PDZD8: variants seen among roughly 807,000 people sequenced by gnomAD.
The protein encoded by PDZD8 is PDZ domain-containing protein 8.
A neutral mutation model predicts 85.8 loss-of-function variants in PDZD8; 14 were observed. The observed-to-expected ratio is 0.16, with a 90% CI of 0.11 to 0.26. The LOEUF is 0.26. Among genes scored for constraint, PDZD8 ranks in the 10% least tolerant of loss-of-function variants. The pLI, the probability that PDZD8 is intolerant of heterozygous loss-of-function variation, is 1.00. For missense variants in PDZD8, 1,197 were observed against 1,424.3 expected, an observed-to-expected ratio of 0.84 and a Z score of 2.57; for synonymous variants, 592 against 568.6, an observed-to-expected ratio of 1.04 and a Z score of -0.59.
At chr10:117,335,156 A>T (rs1844495246) in intron 2 of PDZD8, among the ~76,000 whole-genome samples, 1 of 152,226 alleles carries the variant, frequency 6.6e-6, no homozygotes, top group African/African-American at 2.4e-5. Context: ...AACATGTTAC[A>T]TATGGGGGAA....
intron 1 of PDZD8, among the ~76,000 whole-genome samples, chr10:117,349,735 C>T (rs113640629): frequency 6.6e-6 from 1 of 151,896 alleles, no homozygotes; most frequent in Non-Finnish European, 1.5e-5. Context: ...CCTGGGAGAT[C>T]GAGGCTGCAG....
intron 1 of PDZD8, among the ~76,000 whole-genome samples, chr10:117,356,486 T>TA (rs1456195353): frequency 2.6e-5 from 4 of 152,174 alleles, no homozygotes; most frequent in Non-Finnish European, 5.9e-5. Flanking sequence ...AGAAATAGTC[T>TA]AATTAGACCT....
chr10:117,346,877 T>C (rs1844718125), intron 1 of PDZD8, among the ~76,000 whole-genome samples: 1 of 151,958 alleles, frequency 6.6e-6, no homozygotes, highest in South Asian at 2.1e-4. Context: ...GCTATGTAAG[T>C]AGCACACCTG....
Position 117,279,235 on chromosome 10 carries a change from A to C in PDZD8, c.*4033T>G, listed in dbSNP as rs41284386. The C allele has an allele frequency of 6.6e-6, 1 of 152,320 alleles. No individual in the cohort carries two copies. The highest frequency in any genetic ancestry group is 1.5e-5 in the Non-Finnish European group (1 of 68,014). The allele number at this position is 152,320 out of a possible 1,614,324, so 9.4% of individuals were successfully genotyped here. ...CAAGACTGGAAAGAGGTGTTTTTTT[A>C]AAATGTACATACCAGAACAAAGAAC... On this transcript the variant is annotated 3_prime_UTR_variant, in exon 5 of 5. Transcript: ENST00000334464.
chr10:117,290,275 G>C lies in PDZD8; in HGVS notation c.1172C>G (p.Ala391Gly), dbSNP rs1465923451. 2 of 1,613,916 alleles carry C rather than the reference G, an allele frequency of 1.2e-6. No homozygotes were observed. Among genetic ancestry groups the C allele is most frequent in the South Asian group, 2.2e-5 (2 of 91,072 alleles). ...LRLVQSTDGY[A>G]GHVIIETVAP... ...CACAGTTTCAATGATGACGTGCCCA[G>C]CATACCCATCAGTTGACTGGACAAG... The change falls in exon 4 of 5, where the codon GCT becomes GGT. Residue 391 changes from alanine (A) to glycine (G), a missense_variant. Around this residue, in one of 4 missense-constraint regions of PDZD8, gnomAD observed 344 missense variants for 453.6 expected, o/e 0.76. Coordinates refer to ENST00000334464, the MANE Select transcript of PDZD8 (RefSeq NM_173791.5).
chr10:117,366,418 C>G lies in PDZD8; in HGVS notation c.872+7938G>C, dbSNP rs1191387291. 3.3e-5 allele frequency among the ~76,000 whole-genome samples: 5 copies of G among 152,138 alleles called. No homozygotes were observed. In the East Asian group the frequency reaches 9.7e-4, roughly 29 times the overall value. On this transcript the variant is annotated intron_variant, in intron 1 of 4. Coordinates refer to ENST00000334464, the MANE Select transcript of PDZD8 (RefSeq NM_173791.5). ...GTACTTTCAATGTACACATATATAG[C>G]TTCTTTTTTGGTAAACATTGTAACT...
chr10:117,373,742 T>G (rs926469118), intron 1 of PDZD8, among the ~76,000 whole-genome samples: 79 of 151,730 alleles, frequency 5.2e-4, no homozygotes, highest in African/African-American at 1.8e-3. Context: ...ATCGCGCCAC[T>G]GTACTCCAGC....
chr10:117,288,990 C>T (rs1398566985), intron 4 of PDZD8, among the ~76,000 whole-genome samples: 5 of 152,098 alleles, frequency 3.3e-5, no homozygotes, highest in South Asian at 2.1e-4. Context: ...GTAGCTAAAA[C>T]CAAAATATTA....
intron 2 of PDZD8, among the ~76,000 whole-genome samples, chr10:117,331,365 T>A (rs566721665): frequency 6.6e-6 from 1 of 152,316 alleles, no homozygotes; most frequent in South Asian, 2.1e-4. Flanking sequence ...ACCCCTAATT[T>A]ACACATTAGA....
Position 117,283,718 on chromosome 10 carries a change from C to A in PDZD8, c.3015G>T (p.Glu1005Asp), listed in dbSNP as rs763904248. 4.3e-6 allele frequency: 7 copies of A among 1,614,064 alleles called. No homozygotes were observed. The African/African-American group carries it at 6.7e-5, about 15-fold the overall frequency. ...NSTGIKLVRKEGGLDDSVFIA... is the reference protein window; with the variant it reads ...NSTGIKLVRKDGGLDDSVFIA... ...TGAAAACACTGTCATCCAGACCACC[C>A]TCTTTTCTCACTAACTTTATTCCTG... Residue 1005 changes from glutamate (E) to aspartate (D), a missense_variant, in exon 5 of 5, where the codon GAG (glutamate) becomes GAT (aspartate). By Grantham distance (45) the Glu-to-Asp change is conservative (BLOSUM62 2). Transcript: ENST00000334464.
intron 3 of PDZD8, among the ~76,000 whole-genome samples, chr10:117,309,505 C>T (rs1209206330): frequency 6.6e-6 from 1 of 152,066 alleles, no homozygotes; most frequent in African/African-American, 2.4e-5. Flanking sequence ...ATGAGATCCT[C>T]TTTCTCCTTT....
At chr10:117,293,301 T>C (rs771014904) in intron 3 of PDZD8, among the ~76,000 whole-genome samples, 2 of 152,044 alleles carry the variant, frequency 1.3e-5, no homozygotes, top group Non-Finnish European at 2.9e-5. Flanking sequence ...TTTATGACTA[T>C]TGGATATGCC....
chr10:117,343,929 A>G (rs1844660108), intron 1 of PDZD8, among the ~76,000 whole-genome samples: 1 of 152,208 alleles, frequency 6.6e-6, no homozygotes, highest in African/African-American at 2.4e-5. Context: ...CAAACCCATA[A>G]AGAATCCAAA....
intron 1 of PDZD8, among the ~76,000 whole-genome samples, chr10:117,349,169 C>A (rs1320975280): frequency 6.6e-6 from 1 of 152,132 alleles, no homozygotes; most frequent in African/African-American, 2.4e-5. Flanking sequence ...ATGTCCTAAA[C>A]CCAGATGACT....
chr10:117,368,822 T>C (rs1845134374), intron 1 of PDZD8, among the ~76,000 whole-genome samples: 1 of 151,598 alleles, frequency 6.6e-6, no homozygotes, highest in Admixed American at 6.6e-5. Flanking sequence ...GCAGAGTGAC[T>C]TTTTAAAATT....
chr10:117,308,635 C>T (rs1564694671), intron 3 of PDZD8, among the ~76,000 whole-genome samples: 1 of 152,014 alleles, frequency 6.6e-6, no homozygotes, highest in Non-Finnish European at 1.5e-5. Flanking sequence ...AGATCTGAAC[C>T]CAGGCCTATA....
At chr10:117,330,726 C>A (rs181342322) in intron 2 of PDZD8, among the ~76,000 whole-genome samples, 1 of 152,174 alleles carries the variant, frequency 6.6e-6, no homozygotes, top group Non-Finnish European at 1.5e-5. Flanking sequence ...TCTATATATA[C>A]AATTTACTCC....
chr10:117,292,234 A>T (rs1844779834), intron 3 of PDZD8, among the ~76,000 whole-genome samples: 1 of 152,190 alleles, frequency 6.6e-6, no homozygotes, highest in African/African-American at 2.4e-5. Flanking sequence ...TCAAATTCTG[A>T]ATTACCTAAA....
intron 3 of PDZD8, among the ~76,000 whole-genome samples, chr10:117,312,639 C>T (rs1018870584): frequency 6.6e-6 from 1 of 152,174 alleles, no homozygotes; most frequent in African/African-American, 2.4e-5. Context: ...TGAGATTTAT[C>T]TTCATTGCTC....
Sources: allele counts gnomAD v4.1 joint callset (sites outside exome capture counted in the v4.1 genomes callset), GRCh38; gene constraint gnomAD v4.1.1; regional missense constraint gnomAD v4.1.1; transcripts MANE v1.5; gene names NCBI Gene and HGNC (gene_info 2026-07-23, HGNC 2026-07-21).